Variants in SCMH1 observed in about 807,000 individuals in gnomAD.
SCMH1 encodes Scm polycomb group protein homolog 1, also known as polycomb protein SCMH1.
A neutral mutation model predicts 70.8 loss-of-function variants in SCMH1; 37 were observed. The observed-to-expected ratio is 0.52, with a 90% CI of 0.40 to 0.69. SCMH1 has a LOEUF of 0.69. Among genes scored for constraint, SCMH1 ranks in the 30% least tolerant of loss-of-function variants. The pLI is 0.00. For synonymous variants in SCMH1, 292 were observed against 307.4 expected (o/e 0.95, Z 0.52); for missense variants, 607 against 827.3 (o/e 0.73, Z 3.27).
At position 41,028,408 on chromosome 1, in the gene SCMH1, A is replaced by G. The variant is rs1644032409; in HGVS notation, c.1822-89T>C. 3.8e-6 allele frequency: 6 copies of G among 1,559,430 alleles called. No homozygotes were observed. The African/African-American group carries it at 5.4e-5, about 14-fold the overall frequency. On this transcript the variant is annotated intron_variant, in intron 14 of 14. Transcript: ENST00000337495. ...CCACCCCAGGTTCTGATTATAGGCC[A>G]TCCTGGGAAGTGCCCGCCACATGGA...
chr1:41,104,540 G>A (rs1667397964), intron 8 of SCMH1, among the ~76,000 whole-genome samples: 1 of 152,150 alleles, frequency 6.6e-6, no homozygotes, highest in African/African-American at 2.4e-5. Flanking sequence ...CAATGACCCT[G>A]ATTTGATCAT....
At chr1:41,165,334 A>C (rs929569684) in intron 2 of SCMH1, among the ~76,000 whole-genome samples, 17 of 152,132 alleles carry the variant, frequency 1.1e-4, no homozygotes, top group Admixed American at 2.6e-4. Flanking sequence ...ATAGTGCTGC[A>C]ATGAATACGG....
intron 6 of SCMH1, among the ~76,000 whole-genome samples, chr1:41,138,052 T>G (rs1165680155): frequency 6.6e-6 from 1 of 152,218 alleles, no homozygotes; most frequent in Non-Finnish European, 1.5e-5. Flanking sequence ...CTTGCTTTGA[T>G]GAAGAGCTTT....
intron 8 of SCMH1, among the ~76,000 whole-genome samples, chr1:41,099,521 C>G (rs1486686385): frequency 6.6e-6 from 1 of 152,174 alleles, no homozygotes; most frequent in Admixed American, 6.6e-5. Context: ...CTCTAAATCT[C>G]CTTTGAGGCA....
At chr1:41,119,960 T>C (rs1302785086) in intron 6 of SCMH1, among the ~76,000 whole-genome samples, 1 of 152,168 alleles carries the variant, frequency 6.6e-6, no homozygotes, top group Non-Finnish European at 1.5e-5. Flanking sequence ...GTGGTGTTTA[T>C]GTGGGAAAAC....
At chr1:41,153,369 GCT>G in intron 4 of SCMH1, among the ~76,000 whole-genome samples, 1 of 152,134 alleles carries the variant, frequency 6.6e-6, no homozygotes, top group East Asian at 1.9e-4. Flanking sequence ...CCCACACATA[GCT>G]AATAGTTACT....
intron 10 of SCMH1, among the ~76,000 whole-genome samples, chr1:41,063,579 AAAC>A (rs1342111259): frequency 2.4e-4 from 37 of 151,834 alleles, no homozygotes; most frequent in Admixed American, 5.3e-4. Flanking sequence ...ACAAACAAAC[AAAC>A]AAAAAAACAA....
At chr1:41,223,182 G>A (rs2148861394) in intron 1 of SCMH1, among the ~76,000 whole-genome samples, 1 of 152,292 alleles carries the variant, frequency 6.6e-6, no homozygotes, top group South Asian at 2.1e-4. Flanking sequence ...TTACCTGATT[G>A]TATAGAGATG....
At chr1:41,119,863 C>T (rs1385821707) in intron 6 of SCMH1, among the ~76,000 whole-genome samples, 1 of 152,038 alleles carries the variant, frequency 6.6e-6, no homozygotes, top group Non-Finnish European at 1.5e-5. Flanking sequence ...TTTTTTCCCT[C>T]TCTAATCTGG....
chr1:41,176,876 C>T (rs187811378), intron 2 of SCMH1, among the ~76,000 whole-genome samples: 1 of 152,158 alleles, frequency 6.6e-6, no homozygotes, highest in Non-Finnish European at 1.5e-5. Context: ...CTTAAATGTC[C>T]GTCTGACAGC....
exon 6 of SCMH1, chr1:41,142,915 G>C (rs142494793): frequency 1.2e-6 from 2 of 1,614,038 alleles, no homozygotes; most frequent in African/African-American, 2.7e-5. Context: ...TCTTTTCACA[G>C]TTCCCAATAG....
chr1:41,196,758 A>G (rs1023787953), intron 1 of SCMH1, among the ~76,000 whole-genome samples: 6 of 152,326 alleles, frequency 3.9e-5, no homozygotes, highest in African/African-American at 1.4e-4. Flanking sequence ...CAGAGTGAAA[A>G]GACAGTCCAC....
exon 12 of SCMH1, chr1:41,046,527 G>A (rs752687529): frequency 6.2e-7 from 1 of 1,614,242 alleles, no homozygotes; most frequent in Non-Finnish European, 8.5e-7. Flanking sequence ...AGTTTCTCCA[G>A]GAAGCGGAGG....
intron 2 of SCMH1, among the ~76,000 whole-genome samples, chr1:41,185,243 AC>A (rs1649853872): frequency 6.6e-6 from 1 of 152,186 alleles, no homozygotes; most frequent in Admixed American, 6.6e-5. Flanking sequence ...AAAAAAAACA[AC>A]AAGGCACCCT....
At position 41,165,482 on chromosome 1, in the gene SCMH1, G is replaced by A. The variant is rs563282672; in HGVS notation, c.14-4050C>T. Among the ~76,000 whole-genome samples the A allele has an allele frequency of 5.3e-5, 8 of 152,172 alleles. No individual in the cohort carries two copies. In the South Asian group the frequency reaches 1.7e-3, roughly 32 times the overall value. ...CTCCATCCTGTTTTTCAAAATGGCTGTACTAATTTGTGATATCCGTAACAG... is the reference window on the plus strand; with the variant it reads ...CTCCATCCTGTTTTTCAAAATGGCTATACTAATTTGTGATATCCGTAACAG... On this transcript the variant is annotated intron_variant, in intron 2 of 14. Coordinates refer to ENST00000337495, the Ensembl canonical transcript of SCMH1.
intron 2 of SCMH1, among the ~76,000 whole-genome samples, chr1:41,172,886 T>C (rs1053138224): frequency 5.3e-5 from 8 of 152,076 alleles, no homozygotes; most frequent in African/African-American, 1.7e-4. Context: ...GATATCCATA[T>C]GCAGAAAAAT....
At chr1:41,178,382 A>G (rs1171833215) in intron 2 of SCMH1, among the ~76,000 whole-genome samples, 1 of 152,214 alleles carries the variant, frequency 6.6e-6, no homozygotes, top group African/African-American at 2.4e-5. Flanking sequence ...AAATTCACAC[A>G]TAACAATATT....
At chr1:41,106,073 C>T (rs990529637) in intron 8 of SCMH1, among the ~76,000 whole-genome samples, 2 of 151,720 alleles carry the variant, frequency 1.3e-5, no homozygotes, top group African/African-American at 4.9e-5. Context: ...CAGGGTTTCA[C>T]CAACTTGGCC....
chr1:41,104,533 T>C (rs562930462), intron 8 of SCMH1, among the ~76,000 whole-genome samples: 1 of 152,346 alleles, frequency 6.6e-6, no homozygotes, highest in South Asian at 2.1e-4. Flanking sequence ...GATATCCCAA[T>C]GACCCTGATT....
Sources: gnomAD v4.1 joint callset for allele counts (sites outside exome capture counted in the v4.1 genomes callset) on GRCh38, gnomAD v4.1.1 for gene constraint, MANE v1.5 for transcripts, NCBI Gene and HGNC (gene_info 2026-07-23, HGNC 2026-07-21) for gene names.